The following SKAP2 variants were observed in gnomAD, a reference collection of about 807,000 sequenced individuals.
SKAP2 encodes src kinase associated phosphoprotein 2.
SKAP2 carries 28 observed loss-of-function variants against 54.9 expected under a neutral mutation model. The observed-to-expected ratio is 0.51, with a 90% CI of 0.38 to 0.70. SKAP2 has a LOEUF of 0.70. SKAP2 is among the 30% of genes least tolerant of loss of function. The pLI is 0.00. For synonymous variants in SKAP2, 137 were observed against 134.3 expected, an observed-to-expected ratio of 1.02 and a Z score of -0.14; for missense variants, 356 against 424.1, an observed-to-expected ratio of 0.84 and a Z score of 1.41.
At chr7:26,796,307 T>TA (rs1173621593) in intron 4 of SKAP2, among the ~76,000 whole-genome samples, 1 of 149,024 alleles carries the variant, frequency 6.7e-6, no homozygotes, top group African/African-American at 2.5e-5. Flanking sequence ...GCTTGAGTGT[T>TA]ACGAAAATCT....
the SKAP2 span, among the ~76,000 whole-genome samples, chr7:26,659,822 G>A: frequency 4.6e-5 from 7 of 152,016 alleles, no homozygotes; most frequent in African/African-American, 1.7e-4. Flanking sequence ...AAAATAGCTT[G>A]AAAATAAATG....
intron 4 of SKAP2, among the ~76,000 whole-genome samples, chr7:26,775,207 G>C (rs2127976381): frequency 6.6e-6 from 1 of 151,936 alleles, no homozygotes; most frequent in African/African-American, 2.4e-5. Flanking sequence ...TTTCTCCCTG[G>C]CATCTCAATC....
At chr7:26,861,081 A>G (rs537223293) in intron 1 of SKAP2, among the ~76,000 whole-genome samples, 1 of 152,204 alleles carries the variant, frequency 6.6e-6, no homozygotes, top group African/African-American at 2.4e-5. Flanking sequence ...CTTTCCTTTT[A>G]AAATTTGTTG....
intron 9 of SKAP2, among the ~76,000 whole-genome samples, chr7:26,704,489 C>T (rs1198069624): frequency 2.0e-5 from 3 of 152,160 alleles, no homozygotes; most frequent in Non-Finnish European, 2.9e-5. Flanking sequence ...TTTCGTAATA[C>T]GAAAGAATGG....
At chr7:26,811,331 TTCTC>T (rs1249920783) in intron 4 of SKAP2, among the ~76,000 whole-genome samples, 1 of 152,158 alleles carries the variant, frequency 6.6e-6, no homozygotes, top group Non-Finnish European at 1.5e-5. Context: ...TCTGATATAT[TTCTC>T]TATTGATTTT....
chr7:26,663,920 T>A (rs17154280), downstream of SKAP2, among the ~76,000 whole-genome samples: 1,091 of 151,908 alleles, frequency 7.2e-3, 13 homozygotes, highest in African/African-American at 0.025. Context: ...CTGCTTTGGA[T>A]CTGATATGAT....
chr7:26,718,313 G>T (rs547439789), intron 9 of SKAP2, among the ~76,000 whole-genome samples: 2 of 151,904 alleles, frequency 1.3e-5, no homozygotes, highest in South Asian at 4.2e-4. Flanking sequence ...GGAAGAAAAT[G>T]AAAGGAAGAA....
intron 10 of SKAP2, among the ~76,000 whole-genome samples, chr7:26,685,776 T>G (rs1584329944): frequency 6.6e-6 from 1 of 152,208 alleles, no homozygotes; most frequent in East Asian, 1.9e-4. Flanking sequence ...TAGACGCTTT[T>G]GTTACACTAA....
chr7:26,859,456 C>CTTAGCACT (rs1433666534), intron 1 of SKAP2, among the ~76,000 whole-genome samples: 1 of 152,188 alleles, frequency 6.6e-6, no homozygotes, highest in Non-Finnish European at 1.5e-5. Flanking sequence ...TCCCTGATTA[C>CTTAGCACT]TTAGCACTTT....
chr7:26,860,717 C>T (rs1432078713), intron 1 of SKAP2, among the ~76,000 whole-genome samples: 1 of 151,880 alleles, frequency 6.6e-6, no homozygotes, highest in African/African-American at 2.4e-5. Flanking sequence ...GTAATATACT[C>T]AGCATTGAAA....
chr7:26,812,190 T>C (rs1219708542), intron 4 of SKAP2, among the ~76,000 whole-genome samples: 4 of 152,196 alleles, frequency 2.6e-5, no homozygotes, highest in Admixed American at 6.5e-5. Flanking sequence ...TTCCCTCTTT[T>C]GGGCTCTAGG....
chr7:26,707,549 G>C (rs893402783), intron 9 of SKAP2, among the ~76,000 whole-genome samples: 1 of 152,058 alleles, frequency 6.6e-6, no homozygotes, highest in Non-Finnish European at 1.5e-5. Flanking sequence ...CATAACTTAT[G>C]GCTTAGGAAT....
chr7:26,755,006 T>TTA (rs1782760037), intron 4 of SKAP2, among the ~76,000 whole-genome samples: 1 of 152,220 alleles, frequency 6.6e-6, no homozygotes, highest in Non-Finnish European at 1.5e-5. Context: ...TGGTAAGATC[T>TTA]TATAATAAGA....
At position 26,762,681 on chromosome 7, in the gene SKAP2, C is replaced by CA. The variant is rs550434919; in HGVS notation, c.308-22718dup. On this transcript the variant is annotated intron_variant, in intron 4 of 12. Transcript: ENST00000345317. ...TGAAACCCCATCTCTACTAAAAATA[C>CA]AAAAAAAAAAATTGATGCCCATAAA... Among the ~76,000 whole-genome samples the CA allele has an allele frequency of 5.8e-4, 82 of 142,398 alleles. 2 individuals carry two copies. The highest frequency in any genetic ancestry group is 2.4e-3 in the South Asian group (11 of 4,516). The allele number at this position is 142,398 out of a possible 152,430, so 93.4% of individuals were successfully genotyped here. A position where few individuals can be genotyped will look rare whatever the true frequency, so the allele number is the denominator to read the frequency against.
intron 4 of SKAP2, among the ~76,000 whole-genome samples, chr7:26,755,141 C>A (rs1344377713): frequency 3.9e-5 from 6 of 152,084 alleles, no homozygotes; most frequent in African/African-American, 7.3e-5. Context: ...ATATTGATAA[C>A]AAGTTATCAA....
In SKAP2 at chr7:26,677,394, T is replaced by TAAAAAAAAAAA. The variant is rs1322136047; in HGVS notation, c.988-7213_988-7203dup. On this transcript the variant is annotated intron_variant, in intron 11 of 12. Coordinates refer to ENST00000345317, the MANE Select transcript of SKAP2 (RefSeq NM_003930.5). ...GTGACAGAGCAAGACTCTGTCTCAA[T>TAAAAAAAAAAA]AAAAAAAAAAAAAAAAAAAAAGAAG... Among the ~76,000 whole-genome samples the TAAAAAAAAAAA allele has an allele frequency of 9.7e-3, 703 of 72,838 alleles. 20 individuals are homozygous for TAAAAAAAAAAA. Among genetic ancestry groups the TAAAAAAAAAAA allele is most frequent in the African/African-American group, 0.035 (653 of 18,400 alleles). The allele number at this position is 72,838 out of a possible 152,430, so 47.8% of individuals were successfully genotyped here.
intron 4 of SKAP2, among the ~76,000 whole-genome samples, chr7:26,747,476 T>C (rs1167035036): frequency 2.0e-5 from 3 of 152,120 alleles, no homozygotes; most frequent in African/African-American, 7.2e-5. Flanking sequence ...CTCTGTAAAG[T>C]GGCCATTTTG....
chr7:26,656,081 C>G, the SKAP2 span, among the ~76,000 whole-genome samples: 1 of 152,192 alleles, frequency 6.6e-6, no homozygotes, highest in African/African-American at 2.4e-5. Context: ...GCCCAGGTTC[C>G]TGTGACAGCA....
chr7:26,748,271 G>C (rs1782602017), intron 4 of SKAP2, among the ~76,000 whole-genome samples: 1 of 152,010 alleles, frequency 6.6e-6, no homozygotes, highest in African/African-American at 2.4e-5. Flanking sequence ...TATTAAACTT[G>C]TTCCTTATAG....
Sources: allele counts gnomAD v4.1 joint callset (sites outside exome capture counted in the v4.1 genomes callset), GRCh38; gene constraint gnomAD v4.1.1; transcripts MANE v1.5; gene names NCBI Gene and HGNC (gene_info 2026-07-23, HGNC 2026-07-21).